Variants in MCTP2 observed in about 807,000 individuals in gnomAD.
MCTP2 encodes multiple C2 and transmembrane domain containing 2, also known as multiple C2 and transmembrane domain-containing protein 2.
MCTP2 carries 132 observed loss-of-function variants against 111.6 expected under a neutral mutation model. The ratio of observed to expected loss-of-function variants is 1.18; its 90% CI spans 1.03 to 1.37. The LOEUF is 1.37. Among genes scored for constraint, MCTP2 ranks in the 40% most tolerant of loss-of-function variants. The pLI is 0.00. For synonymous variants in MCTP2, 395 were observed against 387.7 expected, an observed-to-expected ratio of 1.02 and a Z score of -0.22; for missense variants, 1,183 against 1,067.9, an observed-to-expected ratio of 1.11 and a Z score of -1.50.
chr15:94,333,043 C>T (rs1254042230), intron 4 of MCTP2, among the ~76,000 whole-genome samples: 7 of 152,118 alleles, frequency 4.6e-5, no homozygotes, highest in East Asian at 3.9e-4. Context: ...GAGACCAGCC[C>T]GGCCAACGTG....
At chr15:94,326,360 G>A (rs1214802059) in intron 4 of MCTP2, among the ~76,000 whole-genome samples, 1 of 152,094 alleles carries the variant, frequency 6.6e-6, no homozygotes, top group Non-Finnish European at 1.5e-5. Flanking sequence ...ACCTAAATCT[G>A]TGTGTACAGG....
rs147356828 is a variant in MCTP2, at chr15:94,298,472, C to G, written c.207C>G (p.Ser69=). ...TGGCCCCAGAGGGCCGGCCTTACTCCGGGCCACAGTCTTCCTACACCTCGG... is the reference window on the plus strand; with the variant it reads ...TGGCCCCAGAGGGCCGGCCTTACTCGGGGCCACAGTCTTCCTACACCTCGG... ...EALAPEGRPY[S]GPQSSYTSVP... is the part of the protein sequence containing the mutation. Residue 69 remains serine (S), a synonymous_variant, in exon 2 of 23, where the codon TCC becomes TCG. Coordinates refer to ENST00000357742, the MANE Select transcript of MCTP2 (RefSeq NM_001385001.1). The G allele has an allele frequency of 1.2e-6, 2 of 1,614,086 alleles. No individual in the cohort carries two copies. Among genetic ancestry groups the G allele is most frequent in the South Asian group, 2.2e-5 (2 of 91,088 alleles).
intron 17 of MCTP2, among the ~76,000 whole-genome samples, chr15:94,411,849 T>C (rs1423606247): frequency 6.6e-6 from 1 of 152,190 alleles, no homozygotes; most frequent in African/African-American, 2.4e-5. Flanking sequence ...CTAGTCTCCC[T>C]GGGATTCTCT....
chr15:94,238,501 A>G (rs183525541), intron 1 of MCTP2, among the ~76,000 whole-genome samples: 141 of 152,302 alleles, frequency 9.3e-4, no homozygotes, highest in African/African-American at 2.3e-3. Flanking sequence ...AACTGCTAAA[A>G]AGTAGCTAGG....
At chr15:94,350,583 A>C (rs2078250080) in intron 8 of MCTP2, among the ~76,000 whole-genome samples, 1 of 152,184 alleles carries the variant, frequency 6.6e-6, no homozygotes, top group Non-Finnish European at 1.5e-5. Context: ...ATAAAATAAG[A>C]CATCCAGGCT....
intron 10 of MCTP2, among the ~76,000 whole-genome samples, chr15:94,364,817 A>C (rs1354270466): frequency 6.6e-6 from 1 of 152,222 alleles, no homozygotes; most frequent in Non-Finnish European, 1.5e-5. Context: ...GCTAATGTCC[A>C]GAGCTTCTGG....
chr15:94,367,920 T>A, intron 11 of MCTP2, 129 bp downstream of exon 11: 1 of 787,926 alleles, frequency 1.3e-6, no homozygotes, highest in Non-Finnish European at 1.9e-6. Flanking sequence ...AGTTTCCTTG[T>A]ACGTCATAAA....
At chr15:94,246,500 A>G (rs1307902511) in intron 1 of MCTP2, among the ~76,000 whole-genome samples, 4 of 152,158 alleles carry the variant, frequency 2.6e-5, no homozygotes, top group African/African-American at 9.7e-5. Flanking sequence ...TTGTTTGGAA[A>G]TATTGATGGT....
At chr15:94,470,530 G>A (rs1012619701) in intron 21 of MCTP2, 88 bp downstream of exon 21, 5 of 993,730 alleles carry the variant, frequency 5.0e-6, no homozygotes, top group African/African-American at 4.8e-5. Flanking sequence ...AATTTTAAAT[G>A]TGCTCTTGTT....
At chr15:94,314,758 T>G (rs1415527208) in intron 3 of MCTP2, 2 of 459,448 alleles carry the variant, frequency 4.4e-6, no homozygotes, top group Non-Finnish European at 8.7e-6. Context: ...ACTCAAAAAT[T>G]TAATTGGGCT....
At chr15:94,443,632 T>C (rs564768276) in intron 19 of MCTP2, among the ~76,000 whole-genome samples, 5 of 152,220 alleles carry the variant, frequency 3.3e-5, no homozygotes, top group African/African-American at 1.2e-4. Context: ...TGAGAGTAAG[T>C]ATCCAGTGTA....
chr15:94,340,053 A>T (rs10153012), intron 5 of MCTP2, 146 bp from the exon 6 acceptor site: 124,867 of 619,500 alleles, frequency 0.2, 14,063 homozygotes, highest in East Asian at 0.31. Context: ...GCTTGACTAA[A>T]TTTCTCTTTA....
At chr15:94,386,743 C>T (rs193165669) in intron 14 of MCTP2, among the ~76,000 whole-genome samples, 84 of 152,236 alleles carry the variant, frequency 5.5e-4, no homozygotes, top group African/African-American at 2.0e-3. Flanking sequence ...AAAGCAAAGA[C>T]TCTCCTTGAC....
At chr15:94,355,820 C>A in intron 8 of MCTP2, 1 of 644,440 alleles carries the variant, frequency 1.6e-6, no homozygotes, top group South Asian at 6.9e-5. Flanking sequence ...TTCTTCCTCT[C>A]ACACTATTAA....
At chr15:94,438,416 T>C (rs778812782) in intron 17 of MCTP2, among the ~76,000 whole-genome samples, 6 of 152,174 alleles carry the variant, frequency 3.9e-5, no homozygotes, top group African/African-American at 9.6e-5. Context: ...CTGAGGAAGG[T>C]TGACAAAAAG....
At chr15:94,384,829 T>C (rs893792594) in intron 13 of MCTP2, among the ~76,000 whole-genome samples, 1 of 152,246 alleles carries the variant, frequency 6.6e-6, no homozygotes, top group Admixed American at 6.5e-5. Flanking sequence ...TTAACTCTGC[T>C]AAACACTTTT....
chr15:94,468,214 T>G (rs1220454669), intron 20 of MCTP2, among the ~76,000 whole-genome samples: 1 of 151,396 alleles, frequency 6.6e-6, no homozygotes, highest in African/African-American at 2.4e-5. Flanking sequence ...TAGCAAATAG[T>G]AACTATTTTG....
At chr15:94,370,658 C>G (rs2079435617) in intron 12 of MCTP2, among the ~76,000 whole-genome samples, 1 of 152,102 alleles carries the variant, frequency 6.6e-6, no homozygotes, top group Non-Finnish European at 1.5e-5. Context: ...TTGACATTGT[C>G]TTATAGGAAG....
At chr15:94,310,491 A>AT (rs1172279257) in intron 2 of MCTP2, among the ~76,000 whole-genome samples, 4 of 151,836 alleles carry the variant, frequency 2.6e-5, no homozygotes, top group Non-Finnish European at 4.4e-5. Flanking sequence ...TTTTAAGTAA[A>AT]TTTTTTTTAA....
Sources: allele counts gnomAD v4.1 joint callset (sites outside exome capture counted in the v4.1 genomes callset), GRCh38; gene constraint gnomAD v4.1.1; transcripts MANE v1.5; gene names NCBI Gene and HGNC (gene_info 2026-07-23, HGNC 2026-07-21).